Variants in MACROD2 observed in about 807,000 individuals in gnomAD.
MACROD2 encodes ADP-ribose glycohydrolase MACROD2.
A neutral mutation model predicts 70.4 loss-of-function variants in MACROD2; 36 were observed. The ratio of observed to expected loss-of-function variants is 0.51; its 90% CI spans 0.39 to 0.68. MACROD2 has a LOEUF of 0.68. Ranked by LOEUF, MACROD2 falls within the 30% of genes least tolerant of loss-of-function variation. The probability of loss-of-function intolerance (pLI) is 0.00; values close to 1 mark genes in which losing one functional copy is unlikely to be tolerated. For synonymous variants in MACROD2, 172 were observed against 178.8 expected, an observed-to-expected ratio of 0.96 and a Z score of 0.30; for missense variants, 496 against 538.4, an observed-to-expected ratio of 0.92 and a Z score of 0.78.
chr20:14,902,779 A>G (rs531430793), intron 5 of MACROD2, among the ~76,000 whole-genome samples: 3 of 152,260 alleles, frequency 2.0e-5, no homozygotes, highest in African/African-American at 7.2e-5. Context: ...CTTGAGAGCA[A>G]GAGCTGGGAA....
At chr20:15,864,367 G>A (rs1011092557) in intron 9 of MACROD2, among the ~76,000 whole-genome samples, 2 of 152,054 alleles carry the variant, frequency 1.3e-5, no homozygotes, top group African/African-American at 4.8e-5. Context: ...GATGTGTGAA[G>A]CAAATATTCT....
chr20:14,971,533 C>G (rs1003130300), intron 5 of MACROD2, among the ~76,000 whole-genome samples: 4 of 152,106 alleles, frequency 2.6e-5, no homozygotes, highest in Non-Finnish European at 5.9e-5. Context: ...TAAATCACCG[C>G]AGAATCCAGG....
In MACROD2 at chr20:15,301,591, C is replaced by CTTTTTTTTTTTTTTTTTTTTTTTTTT. The variant is rs71340214; in HGVS notation, c.540+71553_540+71554insTTTTTTTTTTTTTTTTTTTTTTTTTT. On this transcript the variant is annotated intron_variant, in intron 6 of 17. Coordinates refer to ENST00000684519, the MANE Select transcript of MACROD2 (RefSeq NM_001351661.2). Reference sequence around the variant, plus strand: ...GGAAGTTAGTAAGATGGTAGGTGGCCTTTTTTTTTTTTTTTTTTTTTTTGT... The same window carrying CTTTTTTTTTTTTTTTTTTTTTTTTTT: ...GGAAGTTAGTAAGATGGTAGGTGGCCTTTTTTTTTTTTTTTTTTTTTTTTTTTTTTTTTTTTTTTTTTTTTTTTTGT... Among the ~76,000 whole-genome samples the CTTTTTTTTTTTTTTTTTTTTTTTTTT allele has an allele frequency of 3.7e-4, 30 of 81,248 alleles. 7 individuals carry two copies. The highest frequency in any genetic ancestry group is 5.5e-4 in the Non-Finnish European group (23 of 41,964). 53.3% of individuals were successfully genotyped at this position (81,248 alleles called of 152,430 possible). A position where few individuals can be genotyped will look rare whatever the true frequency, so the allele number is the denominator to read the frequency against.
chr20:14,427,797 C>A (rs1472544266), intron 3 of MACROD2, among the ~76,000 whole-genome samples: 1 of 152,040 alleles, frequency 6.6e-6, no homozygotes, highest in East Asian at 1.9e-4. Flanking sequence ...CTCAGTTAAA[C>A]CCTGATTCCT....
At chr20:14,547,553 C>G (rs150883883) in intron 4 of MACROD2, 1 of 155,148 alleles carries the variant, frequency 6.4e-6, no homozygotes, top group African/African-American at 2.4e-5. Flanking sequence ...GGCTCCTGAT[C>G]TGGCTGTCTC....
chr20:15,850,267 C>T (rs1340699242), intron 8 of MACROD2, among the ~76,000 whole-genome samples: 2 of 152,074 alleles, frequency 1.3e-5, no homozygotes, highest in Non-Finnish European at 2.9e-5. Context: ...GGATCTCTCC[C>T]CCAAGGGTGA....
At chr20:14,096,364 C>CTTTTT (rs71335950) in intron 3 of MACROD2, among the ~76,000 whole-genome samples, 2 of 118,112 alleles carry the variant, frequency 1.7e-5, no homozygotes, top group East Asian at 2.5e-4. Flanking sequence ...GTTATTTTAC[C>CTTTTT]TTTTTTTTTT....
At chr20:15,813,638 G>C (rs1047851054) in intron 8 of MACROD2, among the ~76,000 whole-genome samples, 4 of 152,082 alleles carry the variant, frequency 2.6e-5, no homozygotes, top group African/African-American at 9.7e-5. Flanking sequence ...AATTAGCCAG[G>C]CATGGTGGCA....
At chr20:15,836,794 T>C (rs191353730) in intron 8 of MACROD2, among the ~76,000 whole-genome samples, 69 of 152,286 alleles carry the variant, frequency 4.5e-4, no homozygotes, top group Non-Finnish European at 8.1e-4. Flanking sequence ...TACCAAATTG[T>C]GGTAAACCTC....
intron 8 of MACROD2, among the ~76,000 whole-genome samples, chr20:15,768,563 T>G (rs1324362809): frequency 6.6e-6 from 1 of 152,220 alleles, no homozygotes; most frequent in East Asian, 1.9e-4. Context: ...CGCACACTGC[T>G]GTAGACTTCA....
chr20:14,982,309 G>C (rs2074808139), intron 5 of MACROD2, among the ~76,000 whole-genome samples: 1 of 152,172 alleles, frequency 6.6e-6, no homozygotes, highest in African/African-American at 2.4e-5. Context: ...CAGCCTAACA[G>C]TGCAGTAGAA....
chr20:15,576,789 C>A (rs1461493556), intron 8 of MACROD2, among the ~76,000 whole-genome samples: 1 of 152,004 alleles, frequency 6.6e-6, no homozygotes. Context: ...TTATTTTTTC[C>A]CAATTAATCC....
intron 8 of MACROD2, among the ~76,000 whole-genome samples, chr20:15,827,373 A>G (rs1468024941): frequency 1.3e-5 from 2 of 152,202 alleles, no homozygotes; most frequent in African/African-American, 4.8e-5. Flanking sequence ...ACCTTTTCCT[A>G]TGACACACCT....
intron 3 of MACROD2, among the ~76,000 whole-genome samples, chr20:14,342,792 A>G (rs550748928): frequency 1.3e-5 from 2 of 152,274 alleles, no homozygotes; most frequent in East Asian, 3.9e-4. Context: ...TATTCCCAAA[A>G]CATTCTGCAC....
intron 6 of MACROD2, among the ~76,000 whole-genome samples, chr20:15,233,983 T>TTATATATATATATATATATA (rs1312226727): frequency 5.2e-4 from 23 of 43,984 alleles, no homozygotes; most frequent in African/African-American, 1.1e-3. Context: ...ATATATTTAT[T>TTATATATATATATATATATA]TATATATATA....
chr20:14,695,854 CT>C (rs1568743486), intron 5 of MACROD2, among the ~76,000 whole-genome samples: 3 of 152,346 alleles, frequency 2.0e-5, no homozygotes, highest in Admixed American at 2.0e-4. Flanking sequence ...AATTCCTGGC[CT>C]GCAGAAACTG....
intron 7 of MACROD2, among the ~76,000 whole-genome samples, chr20:15,480,745 C>G (rs2047086080): frequency 6.6e-6 from 1 of 152,144 alleles, no homozygotes; most frequent in Non-Finnish European, 1.5e-5. Context: ...CCCCATGCCA[C>G]TCCCTTTTTT....
intron 13 of MACROD2, among the ~76,000 whole-genome samples, chr20:15,984,983 G>A (rs2066458178): frequency 6.6e-6 from 1 of 152,114 alleles, no homozygotes; most frequent in Non-Finnish European, 1.5e-5. Context: ...TGGCCTGGGT[G>A]CCTTGGCTTA....
chr20:14,509,731 A>G (rs572763327), intron 4 of MACROD2, among the ~76,000 whole-genome samples: 2 of 152,122 alleles, frequency 1.3e-5, no homozygotes, highest in Admixed American at 1.3e-4. Flanking sequence ...AATCTCTGGC[A>G]CATTATAAAT....
Sources: allele counts gnomAD v4.1 joint callset (sites outside exome capture counted in the v4.1 genomes callset), GRCh38; gene constraint gnomAD v4.1.1; transcripts MANE v1.5; gene names NCBI Gene and HGNC (gene_info 2026-07-23, HGNC 2026-07-21).